TTLL1: variants seen among roughly 807,000 people sequenced by gnomAD.
TTLL1 encodes the protein TTL family tubulin polyglutamylase complex subunit L1.
Under a neutral mutation model 47.8 loss-of-function variants are expected in TTLL1, and 33 were observed. That is an observed-to-expected ratio of 0.69 (90% CI 0.52 to 0.92). TTLL1 has a LOEUF of 0.92. TTLL1 is among the 40% of genes least tolerant of loss of function. TTLL1 has a pLI of 0.00. For missense variants in TTLL1, 488 were observed against 547.5 expected, an observed-to-expected ratio of 0.89 and a Z score of 1.08; for synonymous variants, 225 against 214.1, an observed-to-expected ratio of 1.05 and a Z score of -0.45.
At position 43,072,159 on chromosome 22, in the gene TTLL1, T is replaced by TC. The variant is rs551397240; in HGVS notation, c.114-2316_114-2315insG. On this transcript the variant is annotated intron_variant, in intron 3 of 10. Coordinates refer to ENST00000266254, the MANE Select transcript of TTLL1 (RefSeq NM_012263.5). The stretch of plus-strand genomic sequence containing the variant: ...ACCATCTTTATTTTCTTTTTCTTTT[T>TC]TTTTTTTTTTTTGAGACGGAGTCTT... Among the ~76,000 whole-genome samples, 308 of 149,554 alleles carry TC rather than the reference T, an allele frequency of 2.1e-3. 2 individuals are homozygous for TC. Among genetic ancestry groups the TC allele is most frequent in the African/African-American group, 7.3e-3 (300 of 41,166 alleles).
chr22:43,081,146 C>A (rs563329867), intron 1 of TTLL1, among the ~76,000 whole-genome samples: 1 of 151,800 alleles, frequency 6.6e-6, no homozygotes, highest in South Asian at 2.1e-4. Flanking sequence ...AAACTCCCGA[C>A]CTCAGGTGAT....
chr22:43,078,219 G>C (rs1242931159), intron 2 of TTLL1, among the ~76,000 whole-genome samples: 1 of 152,092 alleles, frequency 6.6e-6, no homozygotes, highest in Non-Finnish European at 1.5e-5. Context: ...GACTCAGCTG[G>C]GTGCAGTGGC....
intron 4 of TTLL1, 68 bp downstream of exon 4, chr22:43,069,568 C>T (rs1927974019): frequency 5.6e-6 from 9 of 1,600,794 alleles, no homozygotes; most frequent in South Asian, 2.3e-5. Context: ...ACCACCTCAG[C>T]GCCTCGCGCC....
intron 8 of TTLL1, chr22:43,052,364 AAATT>A (rs1926700420): frequency 6.0e-6 from 1 of 167,386 alleles, no homozygotes; most frequent in South Asian, 1.5e-4. Flanking sequence ...ATTTACATAC[AAATT>A]TTTGAATTTC....
chr22:43,053,327 C>T (rs572410362), intron 8 of TTLL1, among the ~76,000 whole-genome samples: 2 of 152,326 alleles, frequency 1.3e-5, no homozygotes, highest in Admixed American at 6.5e-5. Flanking sequence ...GCCTGGACCA[C>T]CCTCCTCACT....
At chr22:43,041,532 C>CCTTTTT (rs1925679262) in intron 10 of TTLL1, among the ~76,000 whole-genome samples, 1 of 140,288 alleles carries the variant, frequency 7.1e-6, no homozygotes, top group Non-Finnish European at 1.5e-5. Flanking sequence ...TTTCTGATTC[C>CCTTTTT]TTTTTTTTTT....
chr22:43,071,909 C>A (rs1383874010), intron 3 of TTLL1, among the ~76,000 whole-genome samples: 1 of 152,224 alleles, frequency 6.6e-6, no homozygotes, highest in Non-Finnish European at 1.5e-5. Flanking sequence ...AGCTGCACTG[C>A]CATGTACAAC....
intron 3 of TTLL1, among the ~76,000 whole-genome samples, chr22:43,073,712 C>G (rs2146985339): frequency 6.6e-6 from 1 of 152,248 alleles, no homozygotes; most frequent in South Asian, 2.1e-4. Context: ...TAACCCACCC[C>G]CCCATACTGT....
In TTLL1 at chr22:43,039,569, T is replaced by TAA. The variant is rs36120119; in HGVS notation, c.*205_*206dup. ...TGAAAATTCTGCTTAGGTTAAAAAT[T>TAA]AAAAAAAAAAGAGCGAGTTTTATAC... is the stretch of plus-strand genomic sequence containing the variant. On this transcript the variant is annotated 3_prime_UTR_variant, in exon 11 of 11. Transcript: ENST00000266254. 4,660 of 415,032 alleles carry TAA rather than the reference T, an allele frequency of 0.011. 25 individuals carry two copies. The highest frequency in any genetic ancestry group is 0.036 in the African/African-American group (1,669 of 46,796). 25.7% of individuals were successfully genotyped at this position (415,032 alleles called of 1,614,324 possible).
At chr22:43,049,058 C>G (rs1161685776) in intron 9 of TTLL1, among the ~76,000 whole-genome samples, 1 of 151,186 alleles carries the variant, frequency 6.6e-6, no homozygotes, top group Non-Finnish European at 1.5e-5. Context: ...GTGACGGGCT[C>G]AAGAGAAGCC....
intron 10 of TTLL1, among the ~76,000 whole-genome samples, chr22:43,040,609 C>G (rs1240010275): frequency 1.3e-5 from 2 of 152,154 alleles, no homozygotes; most frequent in Non-Finnish European, 2.9e-5. Context: ...CCACACCCAG[C>G]AAATTTTTGT....
At chr22:43,065,446 T>A (rs969579216) in intron 5 of TTLL1, among the ~76,000 whole-genome samples, 1 of 151,916 alleles carries the variant, frequency 6.6e-6, no homozygotes, top group African/African-American at 2.4e-5. Flanking sequence ...CCAGCCACCA[T>A]GCCTGGCTAA....
At chr22:43,068,174 G>A (rs1421687960) in intron 5 of TTLL1, among the ~76,000 whole-genome samples, 1 of 151,090 alleles carries the variant, frequency 6.6e-6, no homozygotes, top group African/African-American at 2.4e-5. Context: ...AAAATTAGCT[G>A]GGCGTGGTGA....
At chr22:43,088,388 G>C (rs1348561617) in intron 1 of TTLL1, among the ~76,000 whole-genome samples, 1 of 134,312 alleles carries the variant, frequency 7.4e-6, no homozygotes, top group African/African-American at 2.8e-5. Flanking sequence ...CCAGGCTGGA[G>C]TGCAGTGGCG....
chr22:43,051,322 C>G (rs1926603753), intron 9 of TTLL1, among the ~76,000 whole-genome samples: 1 of 152,266 alleles, frequency 6.6e-6, no homozygotes, highest in Admixed American at 6.5e-5. Flanking sequence ...ATCCTCTCCA[C>G]CCACTGAAAG....
chr22:43,069,632 A>G lies in TTLL1; in HGVS notation c.322+4T>C. On this transcript the variant is annotated splice_donor_region_variant and intron_variant, in intron 4 of 10. Transcript: ENST00000266254. ...AAACATGAGCCGGTGGAAGACGCACAAACCCAGATAGAGGTATTTTCCATT... is the reference window on the plus strand; with the variant it reads ...AAACATGAGCCGGTGGAAGACGCACGAACCCAGATAGAGGTATTTTCCATT... 6.2e-7 allele frequency: 1 copy of G among 1,614,128 alleles called. No individual in the cohort carries two copies. Among genetic ancestry groups the G allele is most frequent in the East Asian group, 2.2e-5 (1 of 44,878 alleles).
Position 43,063,919 on chromosome 22 carries a change from T to C in TTLL1, c.641A>G (p.Tyr214Cys), listed in dbSNP as rs775405219. The C allele has an allele frequency of 3.1e-6, 5 of 1,611,328 alleles. No homozygotes were observed. Among genetic ancestry groups the C allele is most frequent in the Non-Finnish European group, 4.2e-6 (5 of 1,177,724 alleles). ...GCAGAACCGGCAAAACCCAAGCTTG[T>C]ACCTAGGAGGGAATGTAGATTAATT... ...STYRPLRCYM[Y>C]KLGFCRFCTV... Residue 214 changes from tyrosine (Y) to cysteine (C), a missense_variant and splice_region_variant, in exon 7 of 11, where the codon TAC (tyrosine) becomes TGC (cysteine). Coordinates refer to ENST00000266254, the MANE Select transcript of TTLL1 (RefSeq NM_012263.5).
intron 9 of TTLL1, among the ~76,000 whole-genome samples, chr22:43,047,470 CT>C (rs528739995): frequency 1.3e-5 from 2 of 152,100 alleles, no homozygotes; most frequent in East Asian, 1.9e-4. Flanking sequence ...TCAGTCACTA[CT>C]TTTTTTGGTT....
At chr22:43,077,537 A>G (rs1483300091) in intron 2 of TTLL1, among the ~76,000 whole-genome samples, 2 of 152,144 alleles carry the variant, frequency 1.3e-5, no homozygotes, top group Non-Finnish European at 2.9e-5. Flanking sequence ...GCCCAGCTCC[A>G]TGCCTGGCAC....
Sources: allele counts gnomAD v4.1 joint callset (sites outside exome capture counted in the v4.1 genomes callset), GRCh38; gene constraint gnomAD v4.1.1; transcripts MANE v1.5; gene names NCBI Gene and HGNC (gene_info 2026-07-23, HGNC 2026-07-21).